The following PPP2R1B variants were observed in gnomAD, a reference collection of about 807,000 sequenced individuals.
PPP2R1B encodes serine/threonine-protein phosphatase 2A 65 kDa regulatory subunit A beta isoform.
In PPP2R1B, 58 loss-of-function variants were observed where a neutral mutation model predicts 72.7. The ratio of observed to expected loss-of-function variants is 0.80; its 90% CI spans 0.65 to 0.99. The LOEUF (loss-of-function observed/expected upper bound fraction) is 0.99, where lower values mean the gene tolerates loss of function less well. PPP2R1B is among the 50% of genes least tolerant of loss of function. The pLI, the probability that PPP2R1B is intolerant of heterozygous loss-of-function variation, is 0.00. For synonymous variants in PPP2R1B, 256 were observed against 264.6 expected (o/e 0.97, Z 0.32); for missense variants, 695 against 733.6 (o/e 0.95, Z 0.61).
At position 111,755,441 on chromosome 11, in the gene PPP2R1B, G is replaced by C. The variant is rs376765814; in HGVS notation, c.697C>G (p.Arg233Gly). ...ACACAAGCTTCCACAGCAAGGAGGC[G>C]CACTGAATCCTAAAGGAACAAAATT... ...SLASDEQDSVRLLAVEACVSI... is the reference protein window; with the variant it reads ...SLASDEQDSVGLLAVEACVSI... The change falls in exon 6 of 15, where the codon CGC (arginine) becomes GGC (glycine). Residue 233 changes from arginine to glycine, a missense_variant. Transcript: ENST00000527614. 1.9e-6 allele frequency: 3 copies of C among 1,602,326 alleles called. No homozygotes were observed. Among genetic ancestry groups the C allele is most frequent in the African/African-American group, 1.4e-5 (1 of 73,966 alleles).
intron 3 of PPP2R1B, among the ~76,000 whole-genome samples, chr11:111,762,710 A>AT (rs1221351919): frequency 2.0e-5 from 3 of 150,356 alleles, no homozygotes; most frequent in Non-Finnish European, 3.0e-5. Context: ...ATGCCCAGCT[A>AT]TTTTTTTTTA....
At chr11:111,743,926 AGGGTTG>A (rs1944612407) in intron 11 of PPP2R1B, among the ~76,000 whole-genome samples, 2 of 152,214 alleles carry the variant, frequency 1.3e-5, no homozygotes, top group Admixed American at 1.3e-4. Context: ...AAAGGCTGTG[AGGGTTG>A]TAGCAGTGCA....
At chr11:111,701,377 C>T in the PPP2R1B span, 1 of 1,542,992 alleles carries the variant, frequency 6.5e-7, no homozygotes, top group Non-Finnish European at 8.8e-7. The surrounding 1 kb of genome is among the most constrained non-coding windows in gnomAD (Gnocchi z 4.2). Context: ...TTTCAAGAGC[C>T]CTGGGGATGT....
intron 8 of PPP2R1B, among the ~76,000 whole-genome samples, chr11:111,753,827 AG>A (rs1430037931): frequency 8.6e-5 from 13 of 151,930 alleles, no homozygotes; most frequent in Admixed American, 3.3e-4. Context: ...CTACATTGCC[AG>A]GGCTGGTCTT....
the PPP2R1B span, among the ~76,000 whole-genome samples, chr11:111,692,350 C>CAAAAAAAAAAAAAAAAAAAAAAAAAAAAA: frequency 7.6e-5 from 2 of 26,488 alleles, no homozygotes; most frequent in Non-Finnish European, 1.4e-4. Context: ...GACTCAGTCT[C>CAAAAAAAAAAAAAAAAAAAAAAAAAAAAA]AAAAAAAAAA....
the PPP2R1B span, chr11:111,705,271 A>T: frequency 2.3e-6 from 2 of 858,866 alleles, no homozygotes; most frequent in Admixed American, 4.2e-5. The surrounding 1 kb of genome is among the most constrained non-coding windows in gnomAD (Gnocchi z 4.3). Flanking sequence ...TCTGCCTGCC[A>T]TTCACTAGAT....
At chr11:111,723,082 C>T (rs1198749981), downstream of PPP2R1B, among the ~76,000 whole-genome samples, 3 of 152,168 alleles carry the variant, frequency 2.0e-5, no homozygotes, top group Non-Finnish European at 4.4e-5. Context: ...CTTCCGTCCT[C>T]CCTTACTATC....
At chr11:111,743,352 C>T (rs372929886) in intron 12 of PPP2R1B, 24 bp downstream of exon 12, 54 of 1,579,662 alleles carry the variant, frequency 3.4e-5, no homozygotes, top group Non-Finnish European at 3.5e-5. Flanking sequence ...TTAAGCTTAG[C>T]AATAACAGTT....
the PPP2R1B span, among the ~76,000 whole-genome samples, chr11:111,709,457 C>G: frequency 2.0e-5 from 3 of 152,096 alleles, no homozygotes; most frequent in Non-Finnish European, 4.4e-5. Flanking sequence ...TAGGAAAGAA[C>G]GTTATTTTCA....
chr11:111,735,771 C>T (rs926785004), downstream of PPP2R1B, among the ~76,000 whole-genome samples: 2 of 152,202 alleles, frequency 1.3e-5, no homozygotes, highest in South Asian at 2.1e-4. Context: ...AGCGCGCTCA[C>T]GCTCACCCCA....
downstream of PPP2R1B, among the ~76,000 whole-genome samples, chr11:111,736,206 G>A (rs2136023626): frequency 6.6e-6 from 1 of 152,302 alleles, no homozygotes; most frequent in South Asian, 2.1e-4. Context: ...CAGTGACCAA[G>A]GCTCGAGTAA....
Position 111,740,682 on chromosome 11 carries a change from A to G in PPP2R1B, c.*914T>C. The G allele has an allele frequency of 2.0e-6, 2 of 985,376 alleles. No homozygotes were observed. Among genetic ancestry groups the G allele is most frequent in the African/African-American group, 3.5e-5 (2 of 57,368 alleles). The allele number at this position is 985,376 out of a possible 1,614,324, so 61.0% of individuals were successfully genotyped here. ...CTTAGCAATAAAACTGCAGTTTGAAAAGCTACTGTACAATGCAGCAAGGAC... is the reference window on the plus strand; with the variant it reads ...CTTAGCAATAAAACTGCAGTTTGAAGAGCTACTGTACAATGCAGCAAGGAC... On this transcript the variant is annotated 3_prime_UTR_variant, in exon 15 of 15. Transcript: ENST00000527614.
Position 111,739,238 on chromosome 11 carries a change from G to C in PPP2R1B, c.*2358C>G. ...ACCAGACACTGTTCCAGGCACTGGC[G>C]ATACAGTAGAAGATAAAACAGACAA... On this transcript the variant is annotated 3_prime_UTR_variant, in exon 15 of 15. Coordinates refer to ENST00000527614, the MANE Select transcript of PPP2R1B (RefSeq NM_002716.5). 1 of 972,438 alleles carries C rather than the reference G, an allele frequency of 1.0e-6. No individual in the cohort carries two copies. Among genetic ancestry groups the C allele is most frequent in the Non-Finnish European group, 1.2e-6 (1 of 818,312 alleles). The allele number at this position is 972,438 out of a possible 1,614,324, so 60.2% of individuals were successfully genotyped here. A position where few individuals can be genotyped will look rare whatever the true frequency, so the allele number is the denominator to read the frequency against.
At chr11:111,760,655 A>C (rs1429397989) in intron 4 of PPP2R1B, among the ~76,000 whole-genome samples, 164 bp downstream of exon 4, 2 of 152,130 alleles carry the variant, frequency 1.3e-5, no homozygotes, top group Non-Finnish European at 2.9e-5. Context: ...TCTCTTAAAA[A>C]AAAAAAAGAA....
Position 111,739,059 on chromosome 11 carries a change from A to G in PPP2R1B, c.*2537T>C, listed in dbSNP as rs1003358705. ...AGCCAGGGGACCAGAAAAGGGCCAC[A>G]TAAAGCTTGTTTCCTGAAAGCAGGA... On this transcript the variant is annotated 3_prime_UTR_variant, in exon 15 of 15. Transcript: ENST00000527614. 1.9e-5 allele frequency: 19 copies of G among 985,366 alleles called. No homozygotes were observed. The African/African-American group carries it at 3.1e-4, about 16-fold the overall frequency. 61.0% of individuals were successfully genotyped at this position (985,366 alleles called of 1,614,324 possible).
At chr11:111,701,209 T>C in the PPP2R1B span, among the ~76,000 whole-genome samples, 1 of 152,236 alleles carries the variant, frequency 6.6e-6, no homozygotes, top group Non-Finnish European at 1.5e-5. The surrounding 1 kb of genome is among the most constrained non-coding windows in gnomAD (Gnocchi z 4.2). Flanking sequence ...GTCATCCTAA[T>C]ATCAGCAGTA....
intron 14 of PPP2R1B, 131 bp from the exon 15 acceptor site, chr11:111,741,743 C>T: frequency 9.6e-7 from 1 of 1,043,676 alleles, no homozygotes. Context: ...ACTGTCTTTA[C>T]TCAGCCAGGC....
the PPP2R1B span, chr11:111,703,458 C>G: frequency 6.3e-7 from 1 of 1,587,764 alleles, no homozygotes; most frequent in Non-Finnish European, 8.6e-7. Flanking sequence ...TTCTACTGCA[C>G]TTAGCTACTT....
intron 3 of PPP2R1B, 121 bp downstream of exon 3, chr11:111,764,684 A>T: frequency 1.0e-6 from 1 of 955,760 alleles, no homozygotes; most frequent in Non-Finnish European, 1.6e-6. Flanking sequence ...GACTAACATT[A>T]TGACTATCTG....
Sources: allele counts gnomAD v4.1 joint callset (sites outside exome capture counted in the v4.1 genomes callset), GRCh38; gene constraint gnomAD v4.1.1; non-coding constraint Gnocchi (gnomAD v3.1); transcripts MANE v1.5; gene names NCBI Gene and HGNC (gene_info 2026-07-23, HGNC 2026-07-21).